The following LAMA1 variants were observed in gnomAD, a reference collection of about 807,000 sequenced individuals.
LAMA1 encodes laminin subunit alpha 1.
In LAMA1, 219 loss-of-function variants were observed where a neutral mutation model predicts 348.7. The ratio of observed to expected loss-of-function variants is 0.63; its 90% confidence interval spans 0.56 to 0.70. The LOEUF (loss-of-function observed/expected upper bound fraction) is 0.70, where lower values mean the gene tolerates loss of function less well. Ranked by LOEUF, LAMA1 falls within the 30% of genes least tolerant of loss-of-function variation. The pLI is 0.00. For missense variants in LAMA1, 3,744 were observed against 3,888.0 expected, an observed-to-expected ratio of 0.96 and a Z score of 0.99; for synonymous variants, 1,487 against 1,491.0, an observed-to-expected ratio of 1.00 and a Z score of 0.06.
Position 6,986,229 on chromosome 18 carries a change from CCTT to C in LAMA1, c.5284_5286del (p.Lys1762del). On this transcript the variant is annotated inframe_deletion, in exon 37 of 63. Coordinates refer to ENST00000389658, the MANE Select transcript of LAMA1 (RefSeq NM_005559.4). ...GCTTCCCTCACGAGCGCCTCAGCCG[CCTT>C]TAGTTCATTGTTGTGCTTTGAAAGG... 1 of 1,614,194 alleles carries C rather than the reference CCTT, an allele frequency of 6.2e-7. No individual in the cohort carries two copies. Among genetic ancestry groups the C allele is most frequent in the Non-Finnish European group, 8.5e-7 (1 of 1,180,044 alleles).
intron 55 of LAMA1, 77 bp from the exon 56 acceptor site, chr18:6,956,842 G>T: frequency 6.7e-7 from 1 of 1,493,232 alleles, no homozygotes; most frequent in Non-Finnish European, 9.3e-7. Context: ...TCTGATAACT[G>T]TACAATGAAA....
chr18:6,971,337 G>A (rs2057657346), intron 48 of LAMA1, among the ~76,000 whole-genome samples: 1 of 152,066 alleles, frequency 6.6e-6, no homozygotes, highest in Non-Finnish European at 1.5e-5. Flanking sequence ...TGGAATTATA[G>A]AACTTGGTTC....
chr18:6,995,639 T>C lies in LAMA1; in HGVS notation c.4807-193A>G, dbSNP rs570447612. Among the ~76,000 whole-genome samples, 141 of 152,320 alleles carry C rather than the reference T, an allele frequency of 9.3e-4. 1 individual carries two copies. Among genetic ancestry groups the C allele is most frequent in the African/African-American group, 3.2e-3 (133 of 41,566 alleles). ...CGACATGATTCTACACTGCCATCCT[T>C]TGCATTATATTTCTGATATAGATAT... On this transcript the variant is annotated intron_variant, in intron 33 of 62. Transcript: ENST00000389658.
chr18:7,023,418 T>C (rs774740691), intron 18 of LAMA1, 43 bp from the exon 19 acceptor site: 1 of 1,537,480 alleles, frequency 6.5e-7, no homozygotes, highest in East Asian at 2.2e-5. Flanking sequence ...ATGCAGTTAC[T>C]TAAGGCCTTA....
rs184729495 is a variant in LAMA1, at chr18:7,075,410, G to A, written c.345+4565C>T. ...GGCCAAGGTGGGCAGGTCACCTGAG[G>A]TTGGGAGTTCGAGGCCAGCCTGACC... On this transcript the variant is annotated intron_variant, in intron 3 of 62. Coordinates refer to ENST00000389658, the MANE Select transcript of LAMA1 (RefSeq NM_005559.4). Among the ~76,000 whole-genome samples, 285 of 152,232 alleles carry A rather than the reference G, an allele frequency of 1.9e-3. 1 individual carries two copies. Among genetic ancestry groups the A allele is most frequent in the African/African-American group, 6.4e-3 (267 of 41,536 alleles).
At chr18:7,074,508 T>A (rs2058159054) in intron 3 of LAMA1, among the ~76,000 whole-genome samples, 1 of 152,212 alleles carries the variant, frequency 6.6e-6, no homozygotes, top group Admixed American at 6.5e-5. Context: ...TCTTTCAGAA[T>A]AATTTCTCTT....
At chr18:7,002,406 G>T (rs765664478) in intron 29 of LAMA1, 21 bp from the exon 30 acceptor site, 1 of 1,610,052 alleles carries the variant, frequency 6.2e-7, no homozygotes, top group Non-Finnish European at 8.5e-7. Context: ...ACATTTAAAG[G>T]AAGGGGGAAA....
In LAMA1 at chr18:6,992,631, T is replaced by C. The variant is rs781780001; in HGVS notation, c.5098A>G (p.Thr1700Ala). 16 of 1,614,016 alleles carry C rather than the reference T, an allele frequency of 9.9e-6. No homozygotes were observed. The highest frequency in any genetic ancestry group is 2.5e-6 in the Non-Finnish European group (3 of 1,179,824). ...STLQNMQQNG[T>A]SLLEIMQIRD... ...ATCTGCATGATTTCTAGCAAAGATG[T>C]ACCATTCTGTTGCATGTTCTGAAGA... The change falls in exon 36 of 63, where the codon ACA becomes GCA. Residue 1700 changes from threonine to alanine, a missense_variant. Around this residue, in one of 3 missense-constraint regions of LAMA1, gnomAD observed 1,983 missense variants for 1,934.3 expected, o/e 1.03. Transcript: ENST00000389658.
intron 1 of LAMA1, among the ~76,000 whole-genome samples, chr18:7,103,660 C>CA (rs199528703): frequency 0.015 from 2,109 of 143,532 alleles, 63 homozygotes; most frequent in African/African-American, 0.051. Flanking sequence ...CTAAAAATAC[C>CA]AAAAAAAAAC....
rs759392192 is a variant in LAMA1, at chr18:6,947,151, G to T, written c.8844+12C>A. 8.7e-6 allele frequency: 14 copies of T among 1,614,070 alleles called. No homozygotes were observed. In the Admixed American group the frequency reaches 2.3e-4, roughly 27 times the overall value. On this transcript the variant is annotated intron_variant, in intron 61 of 62. Transcript: ENST00000389658. Reference sequence around the variant, plus strand: ...GGGGGGAGGAAGACCCTCATGGAGAGGAAGCACCCACCTTGCCGTCCACAA... The same window carrying T: ...GGGGGGAGGAAGACCCTCATGGAGATGAAGCACCCACCTTGCCGTCCACAA...
chr18:6,943,358 T>C lies in LAMA1; in HGVS notation c.8889A>G (p.Ala2963=), dbSNP rs781515030. Residue 2963 remains alanine, a synonymous_variant, in exon 62 of 63, where the codon GCA becomes GCG. Coordinates refer to ENST00000389658, the MANE Select transcript of LAMA1 (RefSeq NM_005559.4). ...VNNGAGRITA[A]YEPKTATVLC... is the part of the protein sequence containing the mutation. ...GCACAGTGGCGGTTTTGGGCTCATA[T>C]GCAGCTGTTATCCTGCCAGCACCAT... is the stretch of plus-strand genomic sequence containing the variant. 42 of 1,614,098 alleles carry C rather than the reference T, an allele frequency of 2.6e-5. No individual in the cohort carries two copies. Among genetic ancestry groups the C allele is most frequent in the Non-Finnish European group, 8.5e-7 (1 of 1,180,050 alleles).
chr18:7,050,462 G>A lies in LAMA1; in HGVS notation c.588+232C>T, dbSNP rs540701980. Among the ~76,000 whole-genome samples the A allele has an allele frequency of 3.9e-5, 6 of 152,210 alleles. No individual in the cohort carries two copies. The South Asian group carries it at 1.0e-3, about 26-fold the overall frequency. ...ATGCTCTGAAGGAGGATCCAAGGGC[G>A]TTATTAAATCACAGCAGAGTGAAGA... On this transcript the variant is annotated intron_variant, in intron 4 of 62. Coordinates refer to ENST00000389658, the MANE Select transcript of LAMA1 (RefSeq NM_005559.4).
intron 19 of LAMA1, 70 bp downstream of exon 19, chr18:7,023,094 A>G (rs1476592630): frequency 1.3e-6 from 2 of 1,510,242 alleles, no homozygotes; most frequent in African/African-American, 3.0e-5. Context: ...TGTGTGACAC[A>G]TGTGACTATA....
chr18:7,036,704 GATT>G (rs2057996444), intron 12 of LAMA1, among the ~76,000 whole-genome samples: 1 of 151,918 alleles, frequency 6.6e-6, no homozygotes, highest in Non-Finnish European at 1.5e-5. Context: ...CATGTTCTAG[GATT>G]ATAATTTGAG....
At chr18:7,060,050 A>G (rs1021176400) in intron 3 of LAMA1, among the ~76,000 whole-genome samples, 1 of 152,244 alleles carries the variant, frequency 6.6e-6, no homozygotes, top group African/African-American at 2.4e-5. Context: ...GCTCACTTCC[A>G]GTTTTATAGC....
intron 6 of LAMA1, among the ~76,000 whole-genome samples, chr18:7,045,041 G>A (rs958470887): frequency 6.6e-6 from 1 of 152,040 alleles, no homozygotes; most frequent in Non-Finnish European, 1.5e-5. Flanking sequence ...AAATGAAGAG[G>A]AATAAAGCAA....
At chr18:7,054,078 C>CT (rs950442962) in intron 3 of LAMA1, among the ~76,000 whole-genome samples, 7 of 151,986 alleles carry the variant, frequency 4.6e-5, no homozygotes, top group Non-Finnish European at 4.4e-5. Context: ...GCCAGATAAT[C>CT]TTTTTTTTAC....
At position 6,985,227 on chromosome 18, in the gene LAMA1, G is replaced by A. The variant is rs774313561; in HGVS notation, c.5660+10C>T. ...CAAGCTCTTGAGTTCCCACAAAGGCGTGTTCCTACCTGTACAGAACATCTG... is the reference window on the plus strand; with the variant it reads ...CAAGCTCTTGAGTTCCCACAAAGGCATGTTCCTACCTGTACAGAACATCTG... On this transcript the variant is annotated intron_variant, in intron 39 of 62. Transcript: ENST00000389658. 1.7e-5 allele frequency: 28 copies of A among 1,613,846 alleles called. No homozygotes were observed. The highest frequency in any genetic ancestry group is 4.0e-5 in the African/African-American group (3 of 74,912).
chr18:6,974,982 G>A lies in LAMA1; in HGVS notation c.6544C>T (p.Leu2182=), dbSNP rs1484025669. The A allele has an allele frequency of 1.9e-6, 3 of 1,613,994 alleles. No homozygotes were observed. The highest frequency in any genetic ancestry group is 2.5e-6 in the Non-Finnish European group (3 of 1,180,012). The change falls in exon 46 of 63, where the codon CTG becomes TTG. Residue 2182 remains leucine (L), a synonymous_variant. Transcript: ENST00000389658. The part of the protein sequence containing the change: ...RRGRVAFLWD[L]GSGSTRLEFP... The stretch of plus-strand genomic sequence containing the variant: ...TCCAAGCGTGTGGACCCGGAGCCCA[G>A]GTCCCACAGGAAGGCCACTCTCCCT...
Sources: allele counts gnomAD v4.1 joint callset (sites outside exome capture counted in the v4.1 genomes callset), GRCh38; gene constraint gnomAD v4.1.1; regional missense constraint gnomAD v4.1.1; transcripts MANE v1.5; gene names NCBI Gene and HGNC (gene_info 2026-07-23, HGNC 2026-07-21).